SBF2: variants seen among roughly 807,000 people sequenced by gnomAD.
SBF2 encodes SET binding factor 2, also known as myotubularin-related protein 13.
A neutral mutation model predicts 225.2 loss-of-function variants in SBF2; 112 were observed. The ratio of observed to expected loss-of-function variants is 0.50; its 90% CI spans 0.43 to 0.58. The LOEUF is 0.58. Among genes scored for constraint, SBF2 ranks in the 20% least tolerant of loss-of-function variants. The probability of loss-of-function intolerance (pLI) is 0.00; values close to 1 mark genes in which losing one functional copy is unlikely to be tolerated. For missense variants in SBF2, 1,996 were observed against 2,206.2 expected (o/e 0.90, Z 1.91); for synonymous variants, 763 against 773.3 (o/e 0.99, Z 0.22).
intron 2 of SBF2, among the ~76,000 whole-genome samples, chr11:10,103,544 T>C (rs971402734): frequency 1.6e-4 from 25 of 152,356 alleles, no homozygotes; most frequent in African/African-American, 5.8e-4. Flanking sequence ...GTCAATTTTG[T>C]CTTTACCTGT....
chr11:9,986,549 G>A (rs570378734), intron 13 of SBF2, among the ~76,000 whole-genome samples: 1 of 151,902 alleles, frequency 6.6e-6, no homozygotes, highest in African/African-American at 2.4e-5. Flanking sequence ...GATTAACCAA[G>A]AAAAGAAGAC....
At chr11:10,163,426 A>G (rs995522731) in intron 2 of SBF2, among the ~76,000 whole-genome samples, 1 of 152,158 alleles carries the variant, frequency 6.6e-6, no homozygotes, top group African/African-American at 2.4e-5. Context: ...AATCCTTTTG[A>G]TAACATTAGG....
At chr11:10,249,321 G>T (rs1315023719) in intron 1 of SBF2, among the ~76,000 whole-genome samples, 1 of 152,148 alleles carries the variant, frequency 6.6e-6, no homozygotes, top group African/African-American at 2.4e-5. Context: ...TTTGTCTAAT[G>T]AGGCTTTATT....
intron 16 of SBF2, chr11:9,960,011 G>A: frequency 3.5e-6 from 1 of 285,408 alleles, no homozygotes; most frequent in Non-Finnish European, 6.9e-6. Context: ...AAAGAGATGG[G>A]GTCTTGATAA....
chr11:10,060,813 G>T (rs144250547), intron 2 of SBF2, among the ~76,000 whole-genome samples: 10,306 of 152,174 alleles, frequency 0.068, 526 homozygotes, highest in East Asian at 0.28. Flanking sequence ...AGGATCACGA[G>T]GTTAGGCGAT....
At chr11:9,849,682 G>A (rs1856789074) in intron 22 of SBF2, among the ~76,000 whole-genome samples, 1 of 152,222 alleles carries the variant, frequency 6.6e-6, no homozygotes, top group South Asian at 2.1e-4. Context: ...ACAGTTAACT[G>A]TAGGACTCAG....
intron 5 of SBF2, among the ~76,000 whole-genome samples, chr11:10,029,165 T>C (rs1190146031): frequency 6.6e-6 from 1 of 152,192 alleles, no homozygotes; most frequent in East Asian, 1.9e-4. Context: ...CTATTCATTT[T>C]TAAGGTTTAA....
chr11:10,009,146 G>A (rs72857196), intron 6 of SBF2, among the ~76,000 whole-genome samples: 8,090 of 152,246 alleles, frequency 0.053, 300 homozygotes, highest in Middle Eastern at 0.16. Flanking sequence ...ACACACAAGG[G>A]TGAACTGCCC....
rs533049604 is a variant in SBF2 at position 10,089,326 on chromosome 11, A to G, written c.142-46345T>C. On this transcript the variant is annotated intron_variant, in intron 2 of 39. Coordinates refer to ENST00000256190, the MANE Select transcript of SBF2 (RefSeq NM_030962.4). Reference sequence around the variant, plus strand: ...CCATCATATATGCAGCCCGTCATTGACTGGAAAATCATTATGCAGAGCATG... The same window carrying G: ...CCATCATATATGCAGCCCGTCATTGGCTGGAAAATCATTATGCAGAGCATG... Among the ~76,000 whole-genome samples, 158 of 152,356 alleles carry G rather than the reference A, an allele frequency of 1.0e-3. 1 individual carries two copies. Among genetic ancestry groups the G allele is most frequent in the African/African-American group, 3.7e-3 (153 of 41,582 alleles).
At chr11:10,050,394 G>A (rs994855967) in intron 2 of SBF2, among the ~76,000 whole-genome samples, 3 of 151,920 alleles carry the variant, frequency 2.0e-5, no homozygotes, top group Admixed American at 6.6e-5. Context: ...GGATAATACC[G>A]AACCCTGTAT....
chr11:10,288,118 T>C (rs1391091956), intron 1 of SBF2, among the ~76,000 whole-genome samples: 3 of 152,198 alleles, frequency 2.0e-5, no homozygotes, highest in Admixed American at 6.5e-5. Flanking sequence ...CAGCCCTAGC[T>C]TGGGGAGCTC....
At chr11:10,292,251 T>C (rs1368951454) in intron 1 of SBF2, among the ~76,000 whole-genome samples, 1 of 152,252 alleles carries the variant, frequency 6.6e-6, no homozygotes, top group Non-Finnish European at 1.5e-5. Flanking sequence ...TAGGAGAACA[T>C]TCTTGTTTGC....
chr11:10,152,271 C>T (rs1382871237), intron 2 of SBF2, among the ~76,000 whole-genome samples: 1 of 152,114 alleles, frequency 6.6e-6, no homozygotes, highest in South Asian at 2.1e-4. Context: ...CCCATATAGG[C>T]CGGGAGCGGT....
intron 1 of SBF2, among the ~76,000 whole-genome samples, chr11:10,258,800 GAT>G (rs10531309): frequency 0.036 from 5,518 of 152,194 alleles, 387 homozygotes; most frequent in East Asian, 0.22. Flanking sequence ...GGGCAAATAA[GAT>G]ATATCTTTAA....
chr11:10,003,322 T>C (rs560544616), intron 6 of SBF2, among the ~76,000 whole-genome samples: 1 of 152,292 alleles, frequency 6.6e-6, no homozygotes, highest in South Asian at 2.1e-4. Context: ...ATACACTATA[T>C]ATAGAGATAA....
At chr11:9,786,036 T>A (rs1852351160) in intron 36 of SBF2, among the ~76,000 whole-genome samples, 1 of 151,990 alleles carries the variant, frequency 6.6e-6, no homozygotes, top group Admixed American at 6.5e-5. Flanking sequence ...CTGGCTAATT[T>A]TTTGTATTTT....
intron 32 of SBF2, among the ~76,000 whole-genome samples, chr11:9,803,294 C>G (rs1249403012): frequency 6.6e-6 from 1 of 151,390 alleles, no homozygotes; most frequent in Non-Finnish European, 1.5e-5. Flanking sequence ...AAGCATATAC[C>G]CCAAATTGTT....
rs1554990046 is a variant in SBF2, at chr11:10,028,459, C to T, written c.612G>A (p.Gln204=). 6.2e-7 allele frequency: 1 copy of T among 1,604,216 alleles called. No individual in the cohort carries two copies. Among genetic ancestry groups the T allele is most frequent in the Middle Eastern group, 1.7e-4 (1 of 6,048 alleles). The part of the protein sequence containing the change: ...ITGTSVALLF[Q]QLGIQNVLSL... ...ATGGGAGAAAAGACATACCCAATTG[C>T]TGGAACAGGAGAGCCACACTAGTGC... Residue 204 remains glutamine (Q), a synonymous_variant, in exon 6 of 40, where the codon CAG becomes CAA. Transcript: ENST00000256190.
At chr11:10,043,064 C>A in intron 2 of SBF2, 83 bp from the exon 3 acceptor site, 1 of 1,418,650 alleles carries the variant, frequency 7.0e-7, no homozygotes, top group South Asian at 1.2e-5. Flanking sequence ...AAATGTTTGC[C>A]CATTTTAACA....
Sources: allele counts gnomAD v4.1 joint callset (sites outside exome capture counted in the v4.1 genomes callset), GRCh38; gene constraint gnomAD v4.1.1; transcripts MANE v1.5; gene names NCBI Gene and HGNC (gene_info 2026-07-23, HGNC 2026-07-21).